Variants in PRKCQ observed in about 807,000 individuals in gnomAD.
The protein encoded by PRKCQ is protein kinase C theta type.
Under a neutral mutation model 91.2 loss-of-function variants are expected in PRKCQ, and 41 were observed. The ratio of observed to expected loss-of-function variants is 0.45; its 90% CI spans 0.35 to 0.58. The LOEUF (loss-of-function observed/expected upper bound fraction) is 0.58. Among genes scored for constraint, PRKCQ ranks in the 20% least tolerant of loss-of-function variants. PRKCQ has a pLI of 0.00. For synonymous variants in PRKCQ, 307 were observed against 316.9 expected (o/e 0.97, Z 0.33); for missense variants, 673 against 896.5 (o/e 0.75, Z 3.18).
chr10:6,556,296 G>A (rs1429559827), intron 1 of PRKCQ, among the ~76,000 whole-genome samples: 2 of 152,018 alleles, frequency 1.3e-5, no homozygotes, highest in East Asian at 3.9e-4. Context: ...GCTGGGTGCA[G>A]TGGCATACGC....
intron 11 of PRKCQ, among the ~76,000 whole-genome samples, chr10:6,482,132 G>A (rs1287751837): frequency 6.6e-6 from 1 of 151,804 alleles, no homozygotes; most frequent in East Asian, 1.9e-4. Context: ...TTTTTTCCAG[G>A]ACTCTCAAGC....
the PRKCQ span, among the ~76,000 whole-genome samples, chr10:6,396,938 C>T: frequency 2.6e-5 from 4 of 152,238 alleles, no homozygotes; most frequent in East Asian, 1.9e-4. Context: ...TCCTTGTCAA[C>T]ACATGCGATT....
chr10:6,516,599 T>G (rs532229817), intron 1 of PRKCQ, among the ~76,000 whole-genome samples: 41 of 152,274 alleles, frequency 2.7e-4, no homozygotes, highest in African/African-American at 9.4e-4. Flanking sequence ...AAACTTCATT[T>G]CTCCACAAAT....
chr10:6,578,391 G>A (rs1841322118), intron 1 of PRKCQ, among the ~76,000 whole-genome samples: 1 of 152,222 alleles, frequency 6.6e-6, no homozygotes, highest in Non-Finnish European at 1.5e-5. Flanking sequence ...GGTGACAAGA[G>A]TCTTGCCTGG....
intron 12 of PRKCQ, among the ~76,000 whole-genome samples, chr10:6,464,623 T>C (rs1257674091): frequency 6.6e-6 from 1 of 152,090 alleles, no homozygotes; most frequent in African/African-American, 2.4e-5. Context: ...AATTTTTGTA[T>C]TTTTAGCAGA....
chr10:6,431,918 A>T (rs1209852706), intron 16 of PRKCQ, among the ~76,000 whole-genome samples: 1 of 152,238 alleles, frequency 6.6e-6, no homozygotes, highest in Non-Finnish European at 1.5e-5. Flanking sequence ...TCTGCCTAAG[A>T]AGTTAAAATG....
At chr10:6,485,417 C>G (rs967464874) in intron 9 of PRKCQ, 148 bp from the exon 10 acceptor site, 126 of 685,188 alleles carry the variant, frequency 1.8e-4, no homozygotes, top group Non-Finnish European at 2.9e-4. Flanking sequence ...TCTTTTGGAA[C>G]CCCATATTCT....
chr10:6,505,403 CCTTT>C (rs34955806), intron 4 of PRKCQ, among the ~76,000 whole-genome samples: 7,261 of 147,326 alleles, frequency 0.049, 221 homozygotes, highest in African/African-American at 0.09. Flanking sequence ...CACTTTTTCT[CCTTT>C]CTTTCTTTCT....
intron 1 of PRKCQ, among the ~76,000 whole-genome samples, chr10:6,528,589 G>A (rs144581603): frequency 0.013 from 1,909 of 152,258 alleles, 40 homozygotes; most frequent in African/African-American, 0.043. Context: ...CTGCCTCTCC[G>A]TTTGTTCTAA....
intron 12 of PRKCQ, among the ~76,000 whole-genome samples, chr10:6,467,087 G>C (rs1429870047): frequency 6.6e-6 from 1 of 152,024 alleles, no homozygotes; most frequent in Non-Finnish European, 1.5e-5. Context: ...ATTGATAACT[G>C]ATGGCAGCTG....
the PRKCQ span, among the ~76,000 whole-genome samples, chr10:6,414,565 A>C: frequency 2.2e-4 from 34 of 152,234 alleles, no homozygotes; most frequent in Admixed American, 2.2e-3. Context: ...CATTCCATAC[A>C]TTCAAAAAGC....
At chr10:6,473,773 T>A (rs1248138757) in intron 12 of PRKCQ, among the ~76,000 whole-genome samples, 3 of 152,188 alleles carry the variant, frequency 2.0e-5, no homozygotes, top group African/African-American at 7.2e-5. Flanking sequence ...ATGCTTGAAA[T>A]TAAAAACTTT....
At chr10:6,395,056 C>CTT in the PRKCQ span, among the ~76,000 whole-genome samples, 7,489 of 65,594 alleles carry the variant, frequency 0.11, 600 homozygotes, top group Middle Eastern at 0.27. Flanking sequence ...AAGCTGGAGT[C>CTT]TTTTTTTTTT....
rs115775061 is a variant in PRKCQ, at chr10:6,487,638, C to T, written c.791-1494G>A. ...AAGAGATCCCTCTTGGACTGGAGAG[C>T]GTGTGCCCATGTGACTGTGTAAAGA... On this transcript the variant is annotated intron_variant, in intron 8 of 17. Transcript: ENST00000263125. 5.4e-3 allele frequency among the ~76,000 whole-genome samples: 823 copies of T among 152,230 alleles called. 9 individuals carry two copies. Among genetic ancestry groups the T allele is most frequent in the African/African-American group, 0.019 (772 of 41,552 alleles).
rs369652026 is a variant in PRKCQ, at chr10:6,557,116, C to T, written c.-10+23095G>A. ...TTTTGCAACCTCTAACAACTTCTGC[C>T]GTGGCTTCTCCCGCTGCTATGGCCT... is the stretch of plus-strand genomic sequence containing the variant. On this transcript the variant is annotated intron_variant, in intron 1 of 17. Coordinates refer to ENST00000263125, the MANE Select transcript of PRKCQ (RefSeq NM_006257.5). Among the ~76,000 whole-genome samples the T allele has an allele frequency of 1.5e-3, 231 of 152,326 alleles. 1 individual carries two copies. Among genetic ancestry groups the T allele is most frequent in the African/African-American group, 5.4e-3 (224 of 41,564 alleles).
intron 14 of PRKCQ, among the ~76,000 whole-genome samples, chr10:6,459,879 A>G (rs2132318870): frequency 6.6e-6 from 1 of 152,376 alleles, no homozygotes; most frequent in South Asian, 2.1e-4. Context: ...AAACTAATGT[A>G]TCAGTTTTGT....
chr10:6,412,008 G>A, the PRKCQ span, among the ~76,000 whole-genome samples: 1 of 152,176 alleles, frequency 6.6e-6, no homozygotes, highest in Non-Finnish European at 1.5e-5. Context: ...AGTTTATTCA[G>A]TCACTGGCAA....
chr10:6,484,659 T>C (rs1439289518), intron 10 of PRKCQ, among the ~76,000 whole-genome samples: 1 of 152,186 alleles, frequency 6.6e-6, no homozygotes, highest in Non-Finnish European at 1.5e-5. Context: ...TTTTAGAATG[T>C]ATGCTGAAAC....
chr10:6,439,719 A>G (rs941867723), intron 16 of PRKCQ, among the ~76,000 whole-genome samples: 5 of 152,046 alleles, frequency 3.3e-5, no homozygotes, highest in African/African-American at 1.2e-4. Context: ...AGATTGTAAG[A>G]ATACAGTATA....
Sources: gnomAD v4.1 joint callset for allele counts (sites outside exome capture counted in the v4.1 genomes callset) on GRCh38, gnomAD v4.1.1 for gene constraint, MANE v1.5 for transcripts, NCBI Gene and HGNC (gene_info 2026-07-23, HGNC 2026-07-21) for gene names.